The following LRRC14 variants were observed in gnomAD, a reference collection of about 807,000 sequenced individuals.
LRRC14 encodes the protein leucine rich repeat containing 14, also known as leucine-rich repeat-containing protein 14.
Under a neutral mutation model 25.3 loss-of-function variants are expected in LRRC14, and 16 were observed. The observed-to-expected ratio is 0.63, with a 90% CI of 0.43 to 0.96. The LOEUF (loss-of-function observed/expected upper bound fraction) is 0.96, where lower values mean the gene tolerates loss of function less well. LRRC14 is among the 40% of genes least tolerant of loss of function. The pLI is 0.00. For synonymous variants in LRRC14, 359 were observed against 295.1 expected (o/e 1.22, Z -2.22); for missense variants, 594 against 660.5 (o/e 0.90, Z 1.10).
chr8:144,523,223 T>G lies in LRRC14; in HGVS notation c.*1745T>G, dbSNP rs1304314703. 1 of 1,609,804 alleles carries G rather than the reference T, an allele frequency of 6.2e-7. No homozygotes were observed. The highest frequency in any genetic ancestry group is 8.5e-7 in the Non-Finnish European group (1 of 1,178,754). ...CAGGTTGGCTGTGAGCTCCAGCGGC[T>G]GCACGTGGACAGAGGGCGGAATGCA... is the stretch of plus-strand genomic sequence containing the variant. On this transcript the variant is annotated 3_prime_UTR_variant, in exon 4 of 4. Coordinates refer to ENST00000292524, the MANE Select transcript of LRRC14 (RefSeq NM_014665.4).
rs1225875964 is a variant in LRRC14, at chr8:144,524,416, G to A, written c.*2938G>A. 6.3e-7 allele frequency: 1 copy of A among 1,596,686 alleles called. No individual in the cohort carries two copies. The highest frequency in any genetic ancestry group is 8.5e-7 in the Non-Finnish European group (1 of 1,179,228). On this transcript the variant is annotated 3_prime_UTR_variant, in exon 4 of 4. Transcript: ENST00000292524. ...GCGAGGGGCCATAATGGAGTATCCCGCCCCTTTAGACCCCAGGCGCTCACC... is the reference window on the plus strand; with the variant it reads ...GCGAGGGGCCATAATGGAGTATCCCACCCCTTTAGACCCCAGGCGCTCACC...
Position 144,522,789 on chromosome 8 carries a change from C to T in LRRC14, c.*1311C>T, listed in dbSNP as rs115500071. 5,163 of 1,551,256 alleles carry T rather than the reference C, an allele frequency of 3.3e-3. 11 individuals carry two copies. Among genetic ancestry groups the T allele is most frequent in the Non-Finnish European group, 3.9e-3 (4,544 of 1,153,136 alleles). ...GCCGTGAGCGCCAGCAGCGCGATGG[C>T]CGCCGCAATGGCCGTCTGTGTGGCC... On this transcript the variant is annotated 3_prime_UTR_variant, in exon 4 of 4. Coordinates refer to ENST00000292524, the MANE Select transcript of LRRC14 (RefSeq NM_014665.4).
In LRRC14 at chr8:144,522,378, C is replaced by G; in HGVS notation, c.*900C>G. ...CCCGGCTCGCGCCCCACACACGGCT[C>G]AGCGCACACTGCGCGGCTTCCACCT... On this transcript the variant is annotated 3_prime_UTR_variant, in exon 4 of 4. Transcript: ENST00000292524. 3.7e-6 allele frequency: 5 copies of G among 1,359,056 alleles called. No homozygotes were observed. The highest frequency in any genetic ancestry group is 3.8e-6 in the Non-Finnish European group (4 of 1,062,094). The allele number at this position is 1,359,056 out of a possible 1,614,324, so 84.2% of individuals were successfully genotyped here.
Position 144,523,578 on chromosome 8 carries a change from G to T in LRRC14, c.*2100G>T. 2 of 1,108,984 alleles carry T rather than the reference G, an allele frequency of 1.8e-6. No homozygotes were observed. Among genetic ancestry groups the T allele is most frequent in the Non-Finnish European group, 2.4e-6 (2 of 844,562 alleles). 68.7% of individuals were successfully genotyped at this position (1,108,984 alleles called of 1,614,324 possible). ...CCTTGACCCCAAGCTCCTTGGGGCG[G>T]CAGGCCCTTCACCCTCGCCCCCCTC... On this transcript the variant is annotated 3_prime_UTR_variant, in exon 4 of 4. Transcript: ENST00000292524.
chr8:144,518,587 C>CT (rs1260628702), intron 1 of LRRC14: 2 of 152,280 alleles, frequency 1.3e-5, no homozygotes. Context: ...GTGTCTGGGA[C>CT]TTTTCAGGAA....
In LRRC14 at chr8:144,524,796, C is replaced by A. The variant is rs1185559871; in HGVS notation, c.*3318C>A. ...TCCCTGGGGGCACCCCGTCCTCCCG[C>A]AGCTCCACACGGTGCCCACCTGCGT... On this transcript the variant is annotated 3_prime_UTR_variant, in exon 4 of 4. Coordinates refer to ENST00000292524, the MANE Select transcript of LRRC14 (RefSeq NM_014665.4). The A allele has an allele frequency of 8.3e-6, 12 of 1,440,190 alleles. No individual in the cohort carries two copies. Among genetic ancestry groups the A allele is most frequent in the Non-Finnish European group, 1.1e-5 (12 of 1,101,402 alleles). 89.2% of individuals were successfully genotyped at this position (1,440,190 alleles called of 1,614,324 possible). A position where few individuals can be genotyped will look rare whatever the true frequency, so the allele number is the denominator to read the frequency against.
chr8:144,524,299 C>T lies in LRRC14; in HGVS notation c.*2821C>T, dbSNP rs374419891. ...AGTCGCTGAAGTAAGGACAGCAGATCGTGAGGAAAAAGGGCGCCGAGGTTG... is the reference window on the plus strand; with the variant it reads ...AGTCGCTGAAGTAAGGACAGCAGATTGTGAGGAAAAAGGGCGCCGAGGTTG... On this transcript the variant is annotated 3_prime_UTR_variant, in exon 4 of 4. Coordinates refer to ENST00000292524, the MANE Select transcript of LRRC14 (RefSeq NM_014665.4). 156 of 1,609,020 alleles carry T rather than the reference C, an allele frequency of 9.7e-5. No homozygotes were observed. The highest frequency in any genetic ancestry group is 1.2e-4 in the Non-Finnish European group (147 of 1,179,754).
At position 144,523,348 on chromosome 8, in the gene LRRC14, G is replaced by A. The variant is rs765759189; in HGVS notation, c.*1870G>A. The A allele has an allele frequency of 1.9e-6, 3 of 1,585,334 alleles. No homozygotes were observed. The highest frequency in any genetic ancestry group is 1.7e-6 in the Non-Finnish European group (2 of 1,162,508). On this transcript the variant is annotated 3_prime_UTR_variant, in exon 4 of 4. Transcript: ENST00000292524. ...TGTCCCTGGAGGTGAGCAGCCGCTGGCCGCCCTCCTTGATCCAGGCACCCA... is the reference window on the plus strand; with the variant it reads ...TGTCCCTGGAGGTGAGCAGCCGCTGACCGCCCTCCTTGATCCAGGCACCCA...
Position 144,520,728 on chromosome 8 carries a change from C to T in LRRC14, c.820C>T (p.Arg274Cys), listed in dbSNP as rs140061110. 1.5e-5 allele frequency: 24 copies of T among 1,598,994 alleles called. No homozygotes were observed. Among genetic ancestry groups the T allele is most frequent in the African/African-American group, 1.3e-4 (10 of 74,950 alleles). ...QPSVDGEDNF[R>C]YFLAQMGRFT... ...CTCCGTGGATGGCGAGGACAACTTCCGCTACTTCCTTGCCCAGATGGGCCG... is the reference window on the plus strand; with the variant it reads ...CTCCGTGGATGGCGAGGACAACTTCTGCTACTTCCTTGCCCAGATGGGCCG... Residue 274 changes from arginine to cysteine, a missense_variant, in exon 3 of 4, where the codon CGC (arginine) becomes TGC (cysteine). Physicochemically the swap from Arg to Cys is radical, Grantham distance 180 (BLOSUM62 -3). Coordinates refer to ENST00000292524, the MANE Select transcript of LRRC14 (RefSeq NM_014665.4).
rs1816236580 is a variant in LRRC14, at chr8:144,523,898, G to C, written c.*2420G>C. 1.6e-6 allele frequency: 1 copy of C among 613,088 alleles called. No individual in the cohort carries two copies. Among genetic ancestry groups the C allele is most frequent in the African/African-American group, 1.8e-5 (1 of 54,208 alleles). 38.0% of individuals were successfully genotyped at this position (613,088 alleles called of 1,614,324 possible). ...CTCAATTCTGTTAAGTCACCCTGTG[G>C]AGTTCCTGTCTTCTGTTTTCCCCAG... is the stretch of plus-strand genomic sequence containing the variant. On this transcript the variant is annotated 3_prime_UTR_variant, in exon 4 of 4. Coordinates refer to ENST00000292524, the MANE Select transcript of LRRC14 (RefSeq NM_014665.4).
rs1394742698 is a variant in LRRC14, at chr8:144,520,820, C to T, written c.912C>T (p.Leu304=). ...TTTCAGGGAGGCTGGACCAGCTGCT[C>T]AGGTGAGCGGGCCCCACCACTGCCC... ...SLLSGRLDQL[L]STLQSPLESL... The change falls in exon 3 of 4, where the codon CTC becomes CTT. Residue 304 remains leucine (L), a splice_region_variant and synonymous_variant. Transcript: ENST00000292524. 1.0e-5 allele frequency: 16 copies of T among 1,596,070 alleles called. No homozygotes were observed. The highest frequency in any genetic ancestry group is 1.1e-5 in the Non-Finnish European group (13 of 1,178,236).
Position 144,522,525 on chromosome 8 carries a change from C to T in LRRC14, c.*1047C>T. 1 of 1,516,050 alleles carries T rather than the reference C, an allele frequency of 6.6e-7. No homozygotes were observed. The highest frequency in any genetic ancestry group is 1.2e-5 in the South Asian group (1 of 80,510). The allele number at this position is 1,516,050 out of a possible 1,614,324, so 93.9% of individuals were successfully genotyped here. ...GGCGGGGGCACGCGGAGTCCCGGCC[C>T]CGCCCCCTGTTCCGGGCCGCAGTCA... On this transcript the variant is annotated 3_prime_UTR_variant, in exon 4 of 4. Coordinates refer to ENST00000292524, the MANE Select transcript of LRRC14 (RefSeq NM_014665.4).
At position 144,522,719 on chromosome 8, in the gene LRRC14, T is replaced by A. The variant is rs1816163540; in HGVS notation, c.*1241T>A. 6.3e-7 allele frequency: 1 copy of A among 1,595,580 alleles called. No homozygotes were observed. Among genetic ancestry groups the A allele is most frequent in the Non-Finnish European group, 8.5e-7 (1 of 1,172,298 alleles). On this transcript the variant is annotated 3_prime_UTR_variant, in exon 4 of 4. Transcript: ENST00000292524. ...CTCCCCCGGAGGCCCCCGCGCCTTTTTTCGCCTGCGGCGCCGGCGACAGAT... is the reference window on the plus strand; with the variant it reads ...CTCCCCCGGAGGCCCCCGCGCCTTTATTCGCCTGCGGCGCCGGCGACAGAT...
chr8:144,521,372 G>C lies in LRRC14; in HGVS notation c.1376G>C (p.Arg459Pro). The change falls in exon 4 of 4, where the codon CGC (arginine) becomes CCC (proline). Residue 459 changes from arginine to proline, a missense_variant. Coordinates refer to ENST00000292524, the MANE Select transcript of LRRC14 (RefSeq NM_014665.4). ...TCCATCAATGAGGAGAAGTTTGCCC[G>C]CGTAGAAGCTGAGTTGCACCAGCTG... ...EASINEEKFA[R>P]VEAELHQLLL... The C allele has an allele frequency of 1.2e-6, 2 of 1,612,616 alleles. No homozygotes were observed. The highest frequency in any genetic ancestry group is 1.7e-6 in the Non-Finnish European group (2 of 1,180,020).
At position 144,521,076 on chromosome 8, in the gene LRRC14, G is replaced by C; in HGVS notation, c.1080G>C (p.Leu360Phe). 6.2e-7 allele frequency: 1 copy of C among 1,613,014 alleles called. No homozygotes were observed. The highest frequency in any genetic ancestry group is 8.5e-7 in the Non-Finnish European group (1 of 1,180,034). Residue 360 changes from leucine (L) to phenylalanine (F), a missense_variant, in exon 4 of 4, where the codon TTG becomes TTC. Coordinates refer to ENST00000292524, the MANE Select transcript of LRRC14 (RefSeq NM_014665.4). ...AGCTGGCACCCTTCCAGGGTCTGTT[G>C]CAGGCATCAGCAGCCACACTGTTGC... ...GSQLAPFQGLLQASAATLLHL... is the reference protein window; with the variant it reads ...GSQLAPFQGLFQASAATLLHL...
chr8:144,519,753 C>T lies in LRRC14; in HGVS notation c.28C>T (p.Arg10Trp), dbSNP rs757472999. The T allele has an allele frequency of 9.3e-6, 15 of 1,612,412 alleles. No homozygotes were observed. Among genetic ancestry groups the T allele is most frequent in the South Asian group, 4.4e-5 (4 of 91,050 alleles). The change falls in exon 2 of 4, where the codon CGG becomes TGG. Residue 10 changes from arginine to tryptophan, a missense_variant. Arg to Trp is a moderately radical substitution (Grantham distance 101). Coordinates refer to ENST00000292524, the MANE Select transcript of LRRC14 (RefSeq NM_014665.4). ...GCACACGCTTGTGTTCTTGAGCACA[C>T]GGCAGGTGCTGCAGTGCCAGCCAGC... MHTLVFLST[R>W]QVLQCQPAAC...
In LRRC14 at chr8:144,525,159, G is replaced by C; in HGVS notation, c.*3681G>C. 3 of 574,668 alleles carry C rather than the reference G, an allele frequency of 5.2e-6. No homozygotes were observed. In the East Asian group the frequency reaches 1.0e-4, roughly 20 times the overall value. 35.6% of individuals were successfully genotyped at this position (574,668 alleles called of 1,614,324 possible). A position where few individuals can be genotyped will look rare whatever the true frequency, so the allele number is the denominator to read the frequency against. On this transcript the variant is annotated 3_prime_UTR_variant, in exon 4 of 4. Coordinates refer to ENST00000292524, the MANE Select transcript of LRRC14 (RefSeq NM_014665.4). Reference sequence around the variant, plus strand: ...TTCAAGAAACTAATAAAACGTTCTGGTTTTCTCCTTTGACAAAAACATTTT... The same window carrying C: ...TTCAAGAAACTAATAAAACGTTCTGCTTTTCTCCTTTGACAAAAACATTTT...
rs777290225 is a variant in LRRC14 at position 144,520,603 on chromosome 8, TG to T, written c.698del (p.Gly233AlafsTer7). ...LRRVDLRFNN[L>X]GLRGLSVIIP... ...CGCGTGGACCTGCGCTTCAACAATC[TG>T]GGCCTGCGCGGCCTGTCTGTGATCA... On this transcript the variant is annotated frameshift_variant, in exon 3 of 4. Transcript: ENST00000292524. LOFTEE classifies it high-confidence loss of function. The T allele has an allele frequency of 6.2e-7, 1 of 1,601,438 alleles. No individual in the cohort carries two copies. Among genetic ancestry groups the T allele is most frequent in the South Asian group, 1.1e-5 (1 of 91,090 alleles).
In LRRC14 at chr8:144,524,546, G is replaced by C. The variant is rs753250152; in HGVS notation, c.*3068G>C. The C allele has an allele frequency of 1.0e-5, 16 of 1,581,882 alleles. No individual in the cohort carries two copies. Among genetic ancestry groups the C allele is most frequent in the Non-Finnish European group, 1.4e-5 (16 of 1,172,480 alleles). On this transcript the variant is annotated 3_prime_UTR_variant, in exon 4 of 4. Transcript: ENST00000292524. ...CTACGAAGGCGCCGCTGCGCAAGCC[G>C]CGCAGCCGGTTGCTAGTGAGCGCCA...
Sources: allele counts gnomAD v4.1 joint callset, GRCh38; gene constraint gnomAD v4.1.1; transcripts MANE v1.5; gene names NCBI Gene and HGNC (gene_info 2026-07-23, HGNC 2026-07-21).